The following UPF2 variants were observed in gnomAD, a reference collection of about 807,000 sequenced individuals.
UPF2 encodes UPF2 regulator of nonsense mediated mRNA decay.
UPF2 carries 17 observed loss-of-function variants against 141.4 expected under a neutral mutation model. The observed-to-expected ratio is 0.12, with a 90% CI of 0.08 to 0.18. The LOEUF (loss-of-function observed/expected upper bound fraction) is 0.18. Among genes scored for constraint, UPF2 ranks in the 10% least tolerant of loss-of-function variants. The probability of loss-of-function intolerance (pLI) is 1.00; values close to 1 mark genes in which losing one functional copy is unlikely to be tolerated. For synonymous variants in UPF2, 540 were observed against 498.0 expected (o/e 1.08, Z -1.12); for missense variants, 1,152 against 1,515.9 (o/e 0.76, Z 3.99).
At chr10:11,924,786 A>T (rs537164203) in intron 21 of UPF2, among the ~76,000 whole-genome samples, 2 of 151,996 alleles carry the variant, frequency 1.3e-5, no homozygotes, top group East Asian at 3.9e-4. Flanking sequence ...TTCCAAATAA[A>T]TTTCCCTTTA....
At chr10:12,034,243 A>G (rs184643708) in intron 2 of UPF2, among the ~76,000 whole-genome samples, 1 of 152,256 alleles carries the variant, frequency 6.6e-6, no homozygotes, top group East Asian at 1.9e-4. Flanking sequence ...AACTCAACAA[A>G]CATCAGCCAA....
intron 9 of UPF2, among the ~76,000 whole-genome samples, chr10:11,974,098 T>C (rs925917545): frequency 1.3e-5 from 2 of 152,184 alleles, no homozygotes; most frequent in Non-Finnish European, 2.9e-5. Context: ...GTCCTTTACA[T>C]CCCTTGTAAG....
rs760061682 is a variant in UPF2, at chr10:12,028,812, A to G, written c.1078T>C (p.Phe360Leu). The G allele has an allele frequency of 1.2e-6, 2 of 1,614,128 alleles. No homozygotes were observed. The highest frequency in any genetic ancestry group is 1.7e-6 in the Non-Finnish European group (2 of 1,180,018). Reference protein sequence around the residue: ...QPFQNLLKEYFTSLTKHLKRD... With the variant: ...QPFQNLLKEYLTSLTKHLKRD... ...TTCAGGTGTTTGGTCAAAGACGTAAAGTACTCTTTTAAAAGATTCTGGAAG... is the reference window on the plus strand; with the variant it reads ...TTCAGGTGTTTGGTCAAAGACGTAAGGTACTCTTTTAAAAGATTCTGGAAG... The change falls in exon 3 of 22, where the codon TTT becomes CTT. Residue 360 changes from phenylalanine to leucine, a missense_variant. Transcript: ENST00000357604.
At chr10:11,927,893 A>G (rs1832732231) in intron 21 of UPF2, among the ~76,000 whole-genome samples, 3 of 152,098 alleles carry the variant, frequency 2.0e-5, no homozygotes, top group African/African-American at 7.2e-5. Context: ...TGATGACTAC[A>G]TTTTCCCCCA....
chr10:12,039,620 CTCTTT>C (rs1441991540), intron 1 of UPF2, among the ~76,000 whole-genome samples: 1 of 145,224 alleles, frequency 6.9e-6, no homozygotes, highest in Non-Finnish European at 1.5e-5. Flanking sequence ...CTCTCTCTCT[CTCTTT>C]TTTTTTTTTT....
intron 1 of UPF2, among the ~76,000 whole-genome samples, chr10:12,040,404 A>G (rs10795923): frequency 0.6 from 90,909 of 152,002 alleles, 28,459 homozygotes; most frequent in East Asian, 0.86. Context: ...CCTGGCGACA[A>G]AGCCAGACTC....
At chr10:11,975,272 CA>C (rs1189434157) in intron 9 of UPF2, among the ~76,000 whole-genome samples, 1 of 152,068 alleles carries the variant, frequency 6.6e-6, no homozygotes, top group Non-Finnish European at 1.5e-5. Flanking sequence ...TAAAACAAAA[CA>C]AAAAGCTGTC....
intron 8 of UPF2, among the ~76,000 whole-genome samples, chr10:11,985,861 A>G (rs1279846124): frequency 6.6e-6 from 1 of 151,052 alleles, no homozygotes; most frequent in Admixed American, 6.6e-5. Flanking sequence ...TTGAAAAGCA[A>G]CTGAAAAATA....
intron 4 of UPF2, among the ~76,000 whole-genome samples, chr10:12,013,399 C>T (rs1256068443): frequency 6.6e-6 from 1 of 151,554 alleles, no homozygotes; most frequent in Non-Finnish European, 1.5e-5. Context: ...GCCTCAGCCT[C>T]CCAAGTAGCT....
In UPF2 at chr10:11,935,867, C is replaced by A. The variant is rs1832843039; in HGVS notation, c.3546+678G>T. ...TAGAGGGGGAAACGGTTTTGAGGGA[C>A]CATCTTGTATGAAGGGGGAAAGGGC... On this transcript the variant is annotated intron_variant, in intron 19 of 21. Coordinates refer to ENST00000357604, the MANE Select transcript of UPF2 (RefSeq NM_015542.4). This position sits in a 1 kb window ranked among gnomAD's most constrained non-coding sequence, Gnocchi z 4.9. 6.6e-6 allele frequency among the ~76,000 whole-genome samples: 1 copy of A among 152,002 alleles called. No homozygotes were observed. The highest frequency in any genetic ancestry group is 6.6e-5 in the Admixed American group (1 of 15,266).
chr10:11,948,335 T>C, intron 16 of UPF2, 34 bp downstream of exon 16: 1 of 1,545,270 alleles, frequency 6.5e-7, no homozygotes, highest in Non-Finnish European at 8.7e-7. Context: ...CTTATACAAA[T>C]GTACTCTATG....
chr10:11,974,376 T>G (rs756174993), intron 9 of UPF2, among the ~76,000 whole-genome samples: 39 of 152,164 alleles, frequency 2.6e-4, no homozygotes, highest in Non-Finnish European at 5.7e-4. Context: ...TACTTCTTTC[T>G]CCTGCCTGAT....
Position 11,938,853 on chromosome 10 carries a change from G to GTTTT in UPF2, c.3379-2145_3379-2142dup, listed in dbSNP as rs58106776. On this transcript the variant is annotated intron_variant, in intron 18 of 21. Transcript: ENST00000357604. ...GTGGTCTTAAGCAAGTTTTTTTTTT[G>GTTTT]TTTTTTTTTTTTTTTTTTTTTTTTT... Among the ~76,000 whole-genome samples the GTTTT allele has an allele frequency of 8.3e-3, 659 of 79,782 alleles. 117 individuals are homozygous for GTTTT. The highest frequency in any genetic ancestry group is 0.012 in the Non-Finnish European group (508 of 42,752). The allele number at this position is 79,782 out of a possible 152,430, so 52.3% of individuals were successfully genotyped here.
At chr10:11,966,614 G>T (rs1394566854) in intron 10 of UPF2, among the ~76,000 whole-genome samples, 2 of 152,102 alleles carry the variant, frequency 1.3e-5, no homozygotes, top group African/African-American at 4.8e-5. Flanking sequence ...AGTAGAGACG[G>T]GGTTTCTCCA....
intron 9 of UPF2, among the ~76,000 whole-genome samples, chr10:11,969,405 G>A (rs1169788188): frequency 6.6e-6 from 1 of 151,952 alleles, no homozygotes; most frequent in Non-Finnish European, 1.5e-5. Flanking sequence ...TCCTGACCTC[G>A]TGATCCACCC....
chr10:11,982,984 G>T (rs1460609048), intron 8 of UPF2, among the ~76,000 whole-genome samples: 1 of 152,074 alleles, frequency 6.6e-6, no homozygotes, highest in Non-Finnish European at 1.5e-5. Context: ...ATTTGTTATG[G>T]TTAACTCATT....
At chr10:12,034,330 T>A (rs34311011) in intron 2 of UPF2, among the ~76,000 whole-genome samples, 1 of 120,134 alleles carries the variant, frequency 8.3e-6, no homozygotes, top group African/African-American at 2.8e-5. Context: ...TTATTTTATT[T>A]TTTTTTTTTT....
At chr10:12,040,490 G>C (rs1477839667) in intron 1 of UPF2, among the ~76,000 whole-genome samples, 1 of 152,072 alleles carries the variant, frequency 6.6e-6, no homozygotes, top group African/African-American at 2.4e-5. Context: ...TAATAAAACA[G>C]ATTCTCCGTA....
intron 1 of UPF2, among the ~76,000 whole-genome samples, chr10:12,037,501 A>T (rs1701478): frequency 0.84 from 125,563 of 150,368 alleles, 52,651 homozygotes; most frequent in Non-Finnish European, 0.89. Context: ...GTTTAAGTGA[A>T]CCTCCCACCT....
Sources: gnomAD v4.1 joint callset for allele counts (sites outside exome capture counted in the v4.1 genomes callset) on GRCh38, gnomAD v4.1.1 for gene constraint, Gnocchi (gnomAD v3.1) non-coding constraint, MANE v1.5 for transcripts, NCBI Gene and HGNC (gene_info 2026-07-23, HGNC 2026-07-21) for gene names.